KIF26B: variants seen among roughly 807,000 people sequenced by gnomAD.
KIF26B encodes the protein kinesin-like protein KIF26B.
A neutral mutation model predicts 151.2 loss-of-function variants in KIF26B; 63 were observed. The ratio of observed to expected loss-of-function variants is 0.42; its 90% CI spans 0.34 to 0.51. KIF26B has a LOEUF of 0.51. Among genes scored for constraint, KIF26B ranks in the 20% least tolerant of loss-of-function variants. The pLI is 0.07. For missense variants in KIF26B, 2,813 were observed against 2,913.6 expected (o/e 0.97, Z 0.79); for synonymous variants, 1,357 against 1,262.1 (o/e 1.08, Z -1.59).
At chr1:245,246,866 A>AACACACACACAC (rs10623091) in intron 2 of KIF26B, among the ~76,000 whole-genome samples, 53 of 143,944 alleles carry the variant, frequency 3.7e-4, no homozygotes, top group Admixed American at 2.3e-3. Flanking sequence ...GTAAGGGCAG[A>AACACACACACAC]ACACACACAC....
At position 245,516,398 on chromosome 1, in the gene KIF26B, C is replaced by G. The variant is rs1258597149; in HGVS notation, c.1167-24369C>G. Among the ~76,000 whole-genome samples the G allele has an allele frequency of 1.3e-5, 2 of 152,204 alleles. No individual in the cohort carries two copies. The highest frequency in any genetic ancestry group is 4.8e-5 in the African/African-American group (2 of 41,456). On this transcript the variant is annotated intron_variant, in intron 4 of 14. Transcript: ENST00000407071. This position sits in a 1 kb window ranked among gnomAD's most constrained non-coding sequence, Gnocchi z 4.2. ...GATGGCGCAGAGGATGACATGAAATCATGTACGCGAGCGTGATTTGCTACT... is the reference window on the plus strand; with the variant it reads ...GATGGCGCAGAGGATGACATGAAATGATGTACGCGAGCGTGATTTGCTACT...
rs760707837 is a variant in KIF26B at position 245,685,824 on chromosome 1, C to G, written c.2841C>G (p.Phe947Leu). 1 of 1,610,996 alleles carries G rather than the reference C, an allele frequency of 6.2e-7. No individual in the cohort carries two copies. The highest frequency in any genetic ancestry group is 2.2e-5 in the East Asian group (1 of 44,790). ...GCGAGGAGCCCAGCAGCTTTCCTTTCGAAGAACTGCCTGCTCAGTTTGGGC... is the reference window on the plus strand; with the variant it reads ...GCGAGGAGCCCAGCAGCTTTCCTTTGGAAGAACTGCCTGCTCAGTTTGGGC... ...DGSEEPSSFPFEELPAQFGPE... is the reference protein window; with the variant it reads ...DGSEEPSSFPLEELPAQFGPE... The change falls in exon 12 of 15, where the codon TTC becomes TTG. Residue 947 changes from phenylalanine to leucine, a missense_variant. Coordinates refer to ENST00000407071, the MANE Select transcript of KIF26B (RefSeq NM_018012.4).
chr1:245,363,518 T>A (rs1365105882), intron 2 of KIF26B, among the ~76,000 whole-genome samples: 1 of 152,180 alleles, frequency 6.6e-6, no homozygotes, highest in Non-Finnish European at 1.5e-5. Flanking sequence ...TTCTTCCTAT[T>A]TATGACTACC....
intron 14 of KIF26B, among the ~76,000 whole-genome samples, chr1:245,701,298 G>T (rs755840810): frequency 5.9e-5 from 9 of 152,198 alleles, no homozygotes; most frequent in South Asian, 4.1e-4. Flanking sequence ...TGAGGCAGGG[G>T]ACTGGCATGG....
chr1:245,255,911 C>T (rs1409627030), intron 2 of KIF26B, among the ~76,000 whole-genome samples: 1 of 152,140 alleles, frequency 6.6e-6, no homozygotes, highest in Non-Finnish European at 1.5e-5. Context: ...TAACCCATTC[C>T]TTCATGGTAC....
intron 5 of KIF26B, among the ~76,000 whole-genome samples, chr1:245,587,431 G>T (rs1276898384): frequency 6.6e-6 from 1 of 152,150 alleles, no homozygotes; most frequent in African/African-American, 2.4e-5. Context: ...CTTAACAGAT[G>T]CTTAGTGAAG....
intron 10 of KIF26B, among the ~76,000 whole-genome samples, chr1:245,672,170 G>T (rs1287631095): frequency 1.3e-5 from 2 of 152,080 alleles, no homozygotes; most frequent in African/African-American, 4.8e-5. Flanking sequence ...ACTCCATCTC[G>T]GGGAATAACA....
chr1:245,544,794 G>A (rs1404924416), intron 5 of KIF26B, among the ~76,000 whole-genome samples: 1 of 152,156 alleles, frequency 6.6e-6, no homozygotes, highest in Non-Finnish European at 1.5e-5. Context: ...GATTGGGAGA[G>A]GAAGGGGAAT....
rs1188236712 is a variant in KIF26B, at chr1:245,244,222, G to T, written c.465+87539G>T. On this transcript the variant is annotated intron_variant, in intron 2 of 14. Transcript: ENST00000407071. This position sits in a 1 kb window ranked among gnomAD's most constrained non-coding sequence, Gnocchi z 4.2. ...TCTTTCCACCTTAGCCTCCCAAAGT[G>T]CTGGGATTGTAGGAGTGAGCCACTG... 6.6e-6 allele frequency among the ~76,000 whole-genome samples: 1 copy of T among 152,118 alleles called. No homozygotes were observed. Among genetic ancestry groups the T allele is most frequent in the Non-Finnish European group, 1.5e-5 (1 of 68,030 alleles).
rs184782051 is a variant in KIF26B at position 245,512,713 on chromosome 1, T to C, written c.1167-28054T>C. Among the ~76,000 whole-genome samples, 5 of 152,284 alleles carry C rather than the reference T, an allele frequency of 3.3e-5. No homozygotes were observed. The highest frequency in any genetic ancestry group is 2.6e-4 in the Admixed American group (4 of 15,298). ...AGACAGAAAACACATGTTGGCAGCA[T>C]CATGTGAGCGCCTCTCTGCACATAA... On this transcript the variant is annotated intron_variant, in intron 4 of 14. Coordinates refer to ENST00000407071, the MANE Select transcript of KIF26B (RefSeq NM_018012.4). The surrounding 1 kb of genome is among the most constrained non-coding windows in gnomAD (Gnocchi z 4.3).
chr1:245,555,357 C>T (rs577666945), intron 5 of KIF26B, among the ~76,000 whole-genome samples: 3 of 152,248 alleles, frequency 2.0e-5, no homozygotes, highest in East Asian at 1.9e-4. Flanking sequence ...TCGAGTGCTC[C>T]GGGACGCTTC....
At chr1:245,341,669 T>G (rs1456150264) in intron 2 of KIF26B, among the ~76,000 whole-genome samples, 1 of 152,138 alleles carries the variant, frequency 6.6e-6, no homozygotes, top group Non-Finnish European at 1.5e-5. Context: ...CTAGAGAAAC[T>G]TGTAGGGAAA....
At chr1:245,628,949 C>T (rs950384209) in intron 9 of KIF26B, among the ~76,000 whole-genome samples, 2 of 152,142 alleles carry the variant, frequency 1.3e-5, no homozygotes, top group Admixed American at 1.3e-4. Context: ...TTCCTATACA[C>T]CAACAACAGA....
In KIF26B at chr1:245,688,294, T is replaced by C. The variant is rs777490333; in HGVS notation, c.5311T>C (p.Ser1771Pro). 2.5e-6 allele frequency: 4 copies of C among 1,596,210 alleles called. No individual in the cohort carries two copies. The highest frequency in any genetic ancestry group is 1.7e-5 in the Admixed American group (1 of 59,854). Residue 1771 changes from serine to proline, a missense_variant, in exon 12 of 15, where the codon TCC (serine) becomes CCC (proline). Ser to Pro is a moderately conservative substitution (Grantham distance 74). Transcript: ENST00000407071. The stretch of plus-strand genomic sequence containing the variant: ...CCTGCCGCAGGCGGTGGGCCAGGGC[T>C]CCAGCTCGCCCCCCGGTGGGAAGCA... ...KSLPQAVGQG[S>P]SSPPGGKHTP...
chr1:245,336,581 AGGCTCGTGCGGC>A (rs1245145943), intron 2 of KIF26B, among the ~76,000 whole-genome samples: 2 of 152,186 alleles, frequency 1.3e-5, no homozygotes, highest in East Asian at 1.9e-4. Context: ...GCTTCTCTGC[AGGCTCGTGCGGC>A]GGCTCGTGCG....
intron 2 of KIF26B, among the ~76,000 whole-genome samples, chr1:245,261,441 C>T (rs921220543): frequency 4.0e-5 from 6 of 151,050 alleles, no homozygotes; most frequent in African/African-American, 7.3e-5. Flanking sequence ...TGTTCGCGCT[C>T]GCTTGCTTGC....
At chr1:245,421,542 A>G (rs1658487112) in intron 4 of KIF26B, among the ~76,000 whole-genome samples, 2 of 152,116 alleles carry the variant, frequency 1.3e-5, no homozygotes, top group South Asian at 4.1e-4. Flanking sequence ...CCTGGCCTCG[A>G]TCCTAGAGGG....
chr1:245,297,675 G>A (rs907140056), intron 2 of KIF26B, among the ~76,000 whole-genome samples: 2 of 152,190 alleles, frequency 1.3e-5, no homozygotes, highest in African/African-American at 4.8e-5. Flanking sequence ...AGGAAAAAAT[G>A]TATTACTTAG....
chr1:245,334,416 C>T (rs1429139221), intron 2 of KIF26B, among the ~76,000 whole-genome samples: 1 of 152,202 alleles, frequency 6.6e-6, no homozygotes, highest in East Asian at 1.9e-4. Context: ...GCCTTCAAAG[C>T]AGTGCCACCT....
Sources: allele counts gnomAD v4.1 joint callset (sites outside exome capture counted in the v4.1 genomes callset), GRCh38; gene constraint gnomAD v4.1.1; non-coding constraint Gnocchi (gnomAD v3.1); transcripts MANE v1.5; gene names NCBI Gene and HGNC (gene_info 2026-07-23, HGNC 2026-07-21).